Variants in MOB4 observed in about 807,000 individuals in gnomAD.
MOB4 encodes the protein MOB family member 4, phocein.
MOB4 carries 4 observed loss-of-function variants against 32.2 expected under a neutral mutation model. The observed-to-expected ratio is 0.12, with a 90% CI of 0.06 to 0.28. The LOEUF is 0.28. Among genes scored for constraint, MOB4 ranks in the 10% least tolerant of loss-of-function variants. MOB4 has a pLI of 1.00. For synonymous variants in MOB4, 88 were observed against 88.1 expected (o/e 1.00, Z 0.01); for missense variants, 158 against 271.2 (o/e 0.58, Z 2.93).
chr2:197,530,534 AGC>A (rs1232087738), intron 2 of MOB4, among the ~76,000 whole-genome samples: 2 of 151,748 alleles, frequency 1.3e-5, no homozygotes, highest in African/African-American at 4.8e-5. Flanking sequence ...TAAGTTTTTC[AGC>A]ACTTTAAAAA....
chr2:197,527,201 T>C (rs1297717209), intron 2 of MOB4, among the ~76,000 whole-genome samples: 3 of 152,180 alleles, frequency 2.0e-5, no homozygotes, highest in African/African-American at 7.2e-5. Flanking sequence ...GGAATTTAGA[T>C]AGAGATTGCC....
chr2:197,532,867 G>C (rs953485220), intron 2 of MOB4, among the ~76,000 whole-genome samples: 5 of 152,132 alleles, frequency 3.3e-5, no homozygotes, highest in Admixed American at 3.3e-4. Flanking sequence ...GGGAAGCTGA[G>C]GCAGGTGGAT....
At chr2:197,516,282 T>TC (rs2086409985) in intron 1 of MOB4, 136 bp downstream of exon 1, 2 of 1,453,364 alleles carry the variant, frequency 1.4e-6, no homozygotes, top group South Asian at 1.4e-5. Flanking sequence ...GGCCTGCTCT[T>TC]CCGGAGCTGC....
intron 2 of MOB4, chr2:197,534,076 T>C: frequency 6.0e-6 from 2 of 332,952 alleles, no homozygotes; most frequent in Admixed American, 3.7e-5. Flanking sequence ...GTACATGCTG[T>C]ATTGGAACAA....
chr2:197,534,705 G>T (rs2106121244), intron 2 of MOB4, among the ~76,000 whole-genome samples: 1 of 152,224 alleles, frequency 6.6e-6, no homozygotes, highest in South Asian at 2.1e-4. Flanking sequence ...ACCACGCCTG[G>T]CTAATTTTTT....
chr2:197,531,859 T>A (rs1471393215), intron 2 of MOB4, among the ~76,000 whole-genome samples: 3 of 152,026 alleles, frequency 2.0e-5, no homozygotes, highest in East Asian at 1.9e-4. Flanking sequence ...GCTGATTTTT[T>A]AAAAATGATA....
rs555484720 is a variant in MOB4, at chr2:197,517,031, A to G, written c.60+885A>G. ...TTTATAAAATGTTAAAAAGTGATGCAAATGAAAATTGAAACAAAACAATCG... is the reference window on the plus strand; with the variant it reads ...TTTATAAAATGTTAAAAAGTGATGCGAATGAAAATTGAAACAAAACAATCG... On this transcript the variant is annotated intron_variant, in intron 1 of 7. Transcript: ENST00000323303. Among the ~76,000 whole-genome samples, 166 of 152,376 alleles carry G rather than the reference A, an allele frequency of 1.1e-3. 1 individual carries two copies. Among genetic ancestry groups the G allele is most frequent in the African/African-American group, 3.9e-3 (163 of 41,590 alleles).
chr2:197,519,021 G>A (rs939330176), intron 1 of MOB4, among the ~76,000 whole-genome samples: 1 of 151,886 alleles, frequency 6.6e-6, no homozygotes, highest in African/African-American at 2.4e-5. Context: ...GCCTCTGAAA[G>A]TGCTGGGATT....
chr2:197,537,889 C>T (rs1340529322), intron 3 of MOB4, among the ~76,000 whole-genome samples: 4 of 152,244 alleles, frequency 2.6e-5, no homozygotes, highest in South Asian at 2.1e-4. Flanking sequence ...AAGCGATTCT[C>T]CTGCCTCAGC....
intron 1 of MOB4, among the ~76,000 whole-genome samples, chr2:197,518,231 G>A (rs910944227): frequency 2.0e-5 from 3 of 151,952 alleles, no homozygotes; most frequent in Non-Finnish European, 4.4e-5. Flanking sequence ...TAGGCACATA[G>A]TTGGTTTTCT....
At position 197,550,833 on chromosome 2, in the gene MOB4, G is replaced by A. The variant is rs188364358; in HGVS notation, c.*187G>A. ...ATTCATAAGCTGTATATTCACCAGT[G>A]TGGCACTCATGGTTTTTAAATAAGA... On this transcript the variant is annotated 3_prime_UTR_variant, in exon 8 of 8. Coordinates refer to ENST00000323303, the MANE Select transcript of MOB4 (RefSeq NM_015387.5). 5 of 515,502 alleles carry A rather than the reference G, an allele frequency of 9.7e-6. No homozygotes were observed. Among genetic ancestry groups the A allele is most frequent in the African/African-American group, 8.0e-5 (4 of 50,284 alleles). The allele number at this position is 515,502 out of a possible 1,614,324, so 31.9% of individuals were successfully genotyped here.
At chr2:197,515,946 A>G, upstream of MOB4, 1 of 820,400 alleles carries the variant, frequency 1.2e-6, no homozygotes, top group Non-Finnish European at 1.9e-6. Flanking sequence ...TTCTACCCGG[A>G]CGGCTCCCGG....
At chr2:197,522,733 T>C (rs1040250888) in intron 1 of MOB4, among the ~76,000 whole-genome samples, 4 of 152,018 alleles carry the variant, frequency 2.6e-5, no homozygotes, top group African/African-American at 7.2e-5. Flanking sequence ...ATAATACTTA[T>C]GGGTCGATCA....
intron 2 of MOB4, among the ~76,000 whole-genome samples, chr2:197,529,141 C>G (rs1423052569): frequency 6.6e-6 from 1 of 151,844 alleles, no homozygotes. Flanking sequence ...CCACCCCCAG[C>G]TAATTTTTGT....
At chr2:197,530,125 G>A (rs1381508406) in intron 2 of MOB4, among the ~76,000 whole-genome samples, 1 of 151,724 alleles carries the variant, frequency 6.6e-6, no homozygotes, top group African/African-American at 2.4e-5. Context: ...GCCTGCCACC[G>A]TGTCTGGCTA....
chr2:197,548,367 T>C lies in MOB4; in HGVS notation c.386T>C (p.Leu129Pro). Residue 129 changes from leucine to proline, a missense_variant, in exon 6 of 8, where the codon CTT (leucine) becomes CCT (proline). Transcript: ENST00000323303. ...GCTATAGACTATACTAGACACACAC[T>C]TGATGGTGCTGCATGTCTTCTGAAT... ...CPAIDYTRHT[L>P]DGAACLLNSN... 6.2e-7 allele frequency: 1 copy of C among 1,612,406 alleles called. No homozygotes were observed. The highest frequency in any genetic ancestry group is 8.5e-7 in the Non-Finnish European group (1 of 1,179,312).
intron 3 of MOB4, among the ~76,000 whole-genome samples, chr2:197,537,936 T>C (rs1188941715): frequency 1.3e-5 from 2 of 152,038 alleles, no homozygotes; most frequent in Non-Finnish European, 2.9e-5. Context: ...CACGCCACCA[T>C]GCCCAGCTAA....
rs1280920629 is a variant in MOB4, at chr2:197,551,492, C to T, written c.*846C>T. 6.5e-6 allele frequency: 1 copy of T among 152,742 alleles called. No individual in the cohort carries two copies. Among genetic ancestry groups the T allele is most frequent in the Non-Finnish European group, 1.5e-5 (1 of 68,014 alleles). 9.5% of individuals were successfully genotyped at this position (152,742 alleles called of 1,614,324 possible). A position where few individuals can be genotyped will look rare whatever the true frequency, so the allele number is the denominator to read the frequency against. On this transcript the variant is annotated 3_prime_UTR_variant, in exon 8 of 8. Coordinates refer to ENST00000323303, the MANE Select transcript of MOB4 (RefSeq NM_015387.5). ...ATACCTCATATTAGCAATTACATTA[C>T]ACTACAAGAAAATGTATTTGCATAG...
intron 5 of MOB4, 33 bp from the exon 6 acceptor site, chr2:197,548,303 T>G (rs752660800): frequency 5.1e-6 from 8 of 1,562,782 alleles, no homozygotes; most frequent in Non-Finnish European, 7.0e-6. Flanking sequence ...GAGAGCTCTT[T>G]GTTGATGCAT....
Sources: allele counts gnomAD v4.1 joint callset (sites outside exome capture counted in the v4.1 genomes callset), GRCh38; gene constraint gnomAD v4.1.1; transcripts MANE v1.5; gene names NCBI Gene and HGNC (gene_info 2026-07-23, HGNC 2026-07-21).